The following LIMD1 variants were observed in gnomAD, a reference collection of about 807,000 sequenced individuals.
The protein encoded by LIMD1 is LIM domain-containing protein 1.
LIMD1 carries 23 observed loss-of-function variants against 58.4 expected under a neutral mutation model. That is an observed-to-expected ratio of 0.39 (90% CI 0.28 to 0.56). LIMD1 has a LOEUF of 0.56. Ranked by LOEUF, LIMD1 falls within the 20% of genes least tolerant of loss-of-function variation. LIMD1 has a pLI of 0.57. For synonymous variants in LIMD1, 334 were observed against 345.5 expected, an observed-to-expected ratio of 0.97 and a Z score of 0.37; for missense variants, 838 against 855.5, an observed-to-expected ratio of 0.98 and a Z score of 0.25.
At chr3:45,651,207 A>C (rs1701971684) in intron 2 of LIMD1, among the ~76,000 whole-genome samples, 1 of 152,096 alleles carries the variant, frequency 6.6e-6, no homozygotes, top group South Asian at 2.1e-4. Flanking sequence ...AAATTTGTTT[A>C]AGTCCTTTGT....
chr3:45,670,409 T>C (rs1697574932), intron 4 of LIMD1, among the ~76,000 whole-genome samples: 1 of 152,084 alleles, frequency 6.6e-6, no homozygotes, highest in Non-Finnish European at 1.5e-5. Flanking sequence ...CTTCATGCTG[T>C]GGGTCAGGAT....
intron 2 of LIMD1, among the ~76,000 whole-genome samples, chr3:45,643,200 G>A (rs1701864735): frequency 6.6e-6 from 1 of 152,124 alleles, no homozygotes; most frequent in Non-Finnish European, 1.5e-5. Flanking sequence ...AGAATAGTCT[G>A]GGAGGCCAGG....
chr3:45,614,327 A>T (rs992949801), intron 1 of LIMD1, among the ~76,000 whole-genome samples: 5 of 151,444 alleles, frequency 3.3e-5, no homozygotes, highest in African/African-American at 9.7e-5. Context: ...GGAGATCGAG[A>T]CCATCCTGGC....
intron 2 of LIMD1, among the ~76,000 whole-genome samples, chr3:45,639,940 G>A (rs1189901738): frequency 1.3e-5 from 2 of 152,272 alleles, no homozygotes; most frequent in Non-Finnish European, 2.9e-5. Flanking sequence ...TGGGATTACA[G>A]GCGTGAGCCA....
At chr3:45,644,981 C>T (rs1363882570) in intron 2 of LIMD1, among the ~76,000 whole-genome samples, 4 of 152,066 alleles carry the variant, frequency 2.6e-5, no homozygotes, top group Admixed American at 6.6e-5. Context: ...TCGAATTGTC[C>T]GAATATTTCT....
At chr3:45,628,223 G>A (rs1265207991) in intron 1 of LIMD1, among the ~76,000 whole-genome samples, 2 of 152,074 alleles carry the variant, frequency 1.3e-5, no homozygotes, top group Non-Finnish European at 2.9e-5. Flanking sequence ...AGAGTCTATG[G>A]GGACCAAGGC....
chr3:45,609,499 C>T (rs1046002890), intron 1 of LIMD1, among the ~76,000 whole-genome samples: 2 of 152,158 alleles, frequency 1.3e-5, no homozygotes, highest in Non-Finnish European at 2.9e-5. Flanking sequence ...TGTGCCACCG[C>T]GCCTGGCTCT....
At chr3:45,627,671 A>T (rs1397114934) in intron 1 of LIMD1, among the ~76,000 whole-genome samples, 3 of 147,228 alleles carry the variant, frequency 2.0e-5, no homozygotes, top group African/African-American at 7.6e-5. Flanking sequence ...AAGATGGAGC[A>T]TCAGGGACTG....
chr3:45,656,020 T>C (rs956105817), intron 2 of LIMD1, among the ~76,000 whole-genome samples: 4 of 152,300 alleles, frequency 2.6e-5, no homozygotes, highest in African/African-American at 9.6e-5. Flanking sequence ...GATTAAGTTA[T>C]GAGAGTGGAT....
At chr3:45,645,574 T>G (rs934058216) in intron 2 of LIMD1, among the ~76,000 whole-genome samples, 3 of 152,132 alleles carry the variant, frequency 2.0e-5, no homozygotes, top group African/African-American at 7.2e-5. Context: ...AAGAGGAGAA[T>G]GAAGAGCACT....
At chr3:45,672,895 C>T (rs565114065) in intron 5 of LIMD1, 75 bp downstream of exon 5, 10 of 1,562,702 alleles carry the variant, frequency 6.4e-6, no homozygotes, top group East Asian at 2.3e-5. Context: ...TGGTGGAAAC[C>T]GACAAAACTG....
rs1559511327 is a variant in LIMD1 at position 45,595,926 on chromosome 3, C to T, written c.1047C>T (p.Ala349=). Residue 349 remains alanine, a synonymous_variant, in exon 1 of 8, where the codon GCC becomes GCT. Transcript: ENST00000273317. ...CCAAATCTTACCTTTCCAGTTCTGC[C>T]CCGTCATCCTCGCCAGCTGGTCTGG... ...DGPKSYLSSS[A]PSSSPAGLDG... is the part of the protein sequence containing the mutation. 2 of 1,614,224 alleles carry T rather than the reference C, an allele frequency of 1.2e-6. No individual in the cohort carries two copies. The highest frequency in any genetic ancestry group is 1.7e-6 in the Non-Finnish European group (2 of 1,180,034).
At chr3:45,617,803 G>A (rs960028903) in intron 1 of LIMD1, among the ~76,000 whole-genome samples, 3 of 152,184 alleles carry the variant, frequency 2.0e-5, no homozygotes. Context: ...GGGAGCGGGA[G>A]GACGGGAAGG....
rs536950547 is a variant in LIMD1, at chr3:45,647,654, C to T, written c.1510+11403C>T. Among the ~76,000 whole-genome samples the T allele has an allele frequency of 3.3e-5, 5 of 152,338 alleles. No individual in the cohort carries two copies. In the South Asian group the frequency reaches 1.0e-3, roughly 32 times the overall value. ...CTTGCATGGATCACTGCTGTCACCT[C>T]CAGTCTGGTCTCTGGGCACAGCAGC... On this transcript the variant is annotated intron_variant, in intron 2 of 7. Transcript: ENST00000273317.
At chr3:45,614,113 C>G (rs1701554415) in intron 1 of LIMD1, among the ~76,000 whole-genome samples, 1 of 152,136 alleles carries the variant, frequency 6.6e-6, no homozygotes, top group African/African-American at 2.4e-5. Flanking sequence ...ATATTTTATT[C>G]CTTTCTTGAT....
rs932025469 is a variant in LIMD1, at chr3:45,677,239, G to A, written c.*180G>A. On this transcript the variant is annotated 3_prime_UTR_variant, in exon 8 of 8. Transcript: ENST00000273317. ...GGGAGGTGAACACTACCTGCCTCCT[G>A]CGTGTATTTTCCAAGTGCTTTTCTC... The A allele has an allele frequency of 1.7e-6, 1 of 595,432 alleles. No homozygotes were observed. The highest frequency in any genetic ancestry group is 3.1e-5 in the Admixed American group (1 of 32,440). The allele number at this position is 595,432 out of a possible 1,614,324, so 36.9% of individuals were successfully genotyped here. A position where few individuals can be genotyped will look rare whatever the true frequency, so the allele number is the denominator to read the frequency against.
intron 2 of LIMD1, among the ~76,000 whole-genome samples, chr3:45,653,547 G>A (rs536256383): frequency 2.6e-5 from 4 of 152,170 alleles, no homozygotes; most frequent in Admixed American, 2.6e-4. Flanking sequence ...CTGCAAAATC[G>A]AGGCTGGATC....
At chr3:45,636,035 T>C (rs1300903924) in intron 1 of LIMD1, 115 bp from the exon 2 acceptor site, 1 of 1,554,210 alleles carries the variant, frequency 6.4e-7, no homozygotes, top group African/African-American at 1.4e-5. Context: ...CCACTGGATT[T>C]GGTGGTGGGC....
intron 2 of LIMD1, among the ~76,000 whole-genome samples, chr3:45,641,999 C>G (rs145347451): frequency 6.6e-6 from 1 of 152,262 alleles, no homozygotes; most frequent in African/African-American, 2.4e-5. Flanking sequence ...AGCCGTGCAT[C>G]TTTTTATGTT....
Sources: gnomAD v4.1 joint callset for allele counts (sites outside exome capture counted in the v4.1 genomes callset) on GRCh38, gnomAD v4.1.1 for gene constraint, MANE v1.5 for transcripts, NCBI Gene and HGNC (gene_info 2026-07-23, HGNC 2026-07-21) for gene names.